SLC9B1: variants seen among roughly 807,000 people sequenced by gnomAD.
SLC9B1 encodes solute carrier family 9 member B1, also known as sodium/hydrogen exchanger 9B1.
A neutral mutation model predicts 51.7 loss-of-function variants in SLC9B1; 32 were observed. The ratio of observed to expected loss-of-function variants is 0.62; its 90% CI spans 0.47 to 0.83. SLC9B1 has a LOEUF of 0.83. Among genes scored for constraint, SLC9B1 ranks in the 40% least tolerant of loss-of-function variants. SLC9B1 has a pLI of 0.00. For synonymous variants in SLC9B1, 145 were observed against 212.7 expected (o/e 0.68, Z 2.77); for missense variants, 406 against 613.2 (o/e 0.66, Z 3.57).
At chr4:102,913,313 C>T (rs1735427726) in intron 7 of SLC9B1, among the ~76,000 whole-genome samples, 1 of 152,166 alleles carries the variant, frequency 6.6e-6, no homozygotes, top group Admixed American at 6.6e-5. Flanking sequence ...CACCAGGGAA[C>T]CTGCAGTGCC....
intron 1 of SLC9B1, among the ~76,000 whole-genome samples, chr4:102,998,952 T>C (rs1165375608): frequency 6.6e-6 from 1 of 152,156 alleles, no homozygotes; most frequent in Non-Finnish European, 1.5e-5. Flanking sequence ...CTTGAACTCC[T>C]GGGCTCAAGG....
chr4:102,931,082 C>T (rs564956065), intron 7 of SLC9B1, among the ~76,000 whole-genome samples: 120 of 151,828 alleles, frequency 7.9e-4, no homozygotes, highest in African/African-American at 2.1e-3. Context: ...AAAAATTAGC[C>T]GGGCGTGGTG....
chr4:102,968,237 AATTCAATAGGAAAAAGATGTTC>A (rs1434450025), intron 3 of SLC9B1, among the ~76,000 whole-genome samples: 1 of 152,218 alleles, frequency 6.6e-6, no homozygotes, highest in Non-Finnish European at 1.5e-5. Context: ...ATGCTAAGAC[AATTCAATAGGAAAAAGATGTTC>A]TTTCAACAAA....
chr4:102,971,552 G>A lies in SLC9B1; in HGVS notation c.211+18248C>T, dbSNP rs190998889. ...GAGAAAACAGGAAAGATCTAAAATCGACACCCTAACATCACAATGAAAAGA... is the reference window on the plus strand; with the variant it reads ...GAGAAAACAGGAAAGATCTAAAATCAACACCCTAACATCACAATGAAAAGA... On this transcript the variant is annotated intron_variant, in intron 3 of 11. Coordinates refer to ENST00000296422, the MANE Select transcript of SLC9B1 (RefSeq NM_139173.4). 3.5e-3 allele frequency among the ~76,000 whole-genome samples: 529 copies of A among 152,070 alleles called. 1 individual carries two copies. The highest frequency in any genetic ancestry group is 6.8e-3 in the Admixed American group (104 of 15,278).
chr4:103,006,018 A>G (rs1473305296), intron 1 of SLC9B1, among the ~76,000 whole-genome samples: 1 of 152,126 alleles, frequency 6.6e-6, no homozygotes, highest in Non-Finnish European at 1.5e-5. Flanking sequence ...TTAACAACCT[A>G]TCCTTACGGC....
chr4:102,991,343 CT>C (rs1739930587), intron 2 of SLC9B1, among the ~76,000 whole-genome samples: 1 of 152,026 alleles, frequency 6.6e-6, no homozygotes, highest in Admixed American at 6.5e-5. Context: ...ATCTTTACCT[CT>C]GTTAGTTTAA....
At chr4:102,923,752 C>T (rs371727325) in intron 7 of SLC9B1, among the ~76,000 whole-genome samples, 5 of 152,080 alleles carry the variant, frequency 3.3e-5, no homozygotes, top group South Asian at 4.1e-4. Flanking sequence ...CACAAGCATT[C>T]TTATACACCA....
At chr4:102,957,036 A>G (rs894863292) in intron 3 of SLC9B1, among the ~76,000 whole-genome samples, 1 of 152,212 alleles carries the variant, frequency 6.6e-6, no homozygotes, top group Non-Finnish European at 1.5e-5. Flanking sequence ...TAAAGTGAAA[A>G]AATCACTAGC....
chr4:102,971,440 C>T (rs186532676), intron 3 of SLC9B1, among the ~76,000 whole-genome samples: 4 of 152,016 alleles, frequency 2.6e-5, no homozygotes, highest in Admixed American at 6.6e-5. Flanking sequence ...TTGAAACCAA[C>T]GAGAACAAAG....
At chr4:102,990,212 T>C (rs1003766244) in intron 2 of SLC9B1, among the ~76,000 whole-genome samples, 5 of 152,144 alleles carry the variant, frequency 3.3e-5, no homozygotes, top group African/African-American at 1.2e-4. Flanking sequence ...GCCTACAGTT[T>C]GGGCACAATA....
chr4:102,886,890 C>G (rs1733952802), intron 11 of SLC9B1, among the ~76,000 whole-genome samples: 1 of 152,216 alleles, frequency 6.6e-6, no homozygotes, highest in Non-Finnish European at 1.5e-5. Flanking sequence ...GTTGGGATTA[C>G]AGGCGTAAAC....
chr4:102,997,079 G>GGCCAA (rs1740266846), intron 1 of SLC9B1, among the ~76,000 whole-genome samples: 2 of 151,996 alleles, frequency 1.3e-5, no homozygotes, highest in African/African-American at 4.8e-5. Flanking sequence ...ATGAGCCATT[G>GGCCAA]TGTCTGGCCA....
At chr4:102,955,978 C>T (rs1027870233) in intron 3 of SLC9B1, among the ~76,000 whole-genome samples, 1 of 152,120 alleles carries the variant, frequency 6.6e-6, no homozygotes, top group South Asian at 2.1e-4. Context: ...GAGTGGCTCA[C>T]GGTGCCTAAA....
intron 6 of SLC9B1, among the ~76,000 whole-genome samples, chr4:102,943,506 TACACACAC>T (rs373442152): frequency 4.8e-5 from 7 of 145,482 alleles, no homozygotes; most frequent in Admixed American, 2.1e-4. Context: ...TGTGTATGTA[TACACACAC>T]ACACACACAC....
downstream of SLC9B1, chr4:102,897,275 CCA>C (rs1235797264): frequency 6.5e-6 from 1 of 154,840 alleles, no homozygotes; most frequent in Admixed American, 6.5e-5. Context: ...AGAACTTTCT[CCA>C]CTTGGTACAA....
chr4:102,967,327 T>A lies in SLC9B1; in HGVS notation c.212-17900A>T, dbSNP rs376337078. Among the ~76,000 whole-genome samples, 11 of 152,352 alleles carry A rather than the reference T, an allele frequency of 7.2e-5. 1 individual carries two copies. The East Asian group carries it at 1.5e-3, about 21-fold the overall frequency. On this transcript the variant is annotated intron_variant, in intron 3 of 11. Coordinates refer to ENST00000296422, the MANE Select transcript of SLC9B1 (RefSeq NM_139173.4). ...ACCCAGTTCCAATGATGCTTCTGCA[T>A]TTTTGAGTATCTAAATAGCAACATC...
intron 11 of SLC9B1, among the ~76,000 whole-genome samples, chr4:102,886,352 G>A (rs192875823): frequency 0.015 from 2,234 of 152,012 alleles, 24 homozygotes; most frequent in South Asian, 0.021. Context: ...TTAGCCAGGC[G>A]TGGTGGCATG....
chr4:102,943,292 A>G (rs1247166911), intron 6 of SLC9B1, among the ~76,000 whole-genome samples: 11 of 152,194 alleles, frequency 7.2e-5, no homozygotes, highest in Non-Finnish European at 1.6e-4. Context: ...AATTAAAAGT[A>G]GATCTACCAT....
intron 1 of SLC9B1, among the ~76,000 whole-genome samples, chr4:103,008,698 G>C (rs972543142): frequency 1.1e-4 from 16 of 151,198 alleles, no homozygotes; most frequent in Admixed American, 6.6e-5. Flanking sequence ...ACATCATATT[G>C]AGTAAATTTC....
Sources: allele counts gnomAD v4.1 joint callset (sites outside exome capture counted in the v4.1 genomes callset), GRCh38; gene constraint gnomAD v4.1.1; transcripts MANE v1.5; gene names NCBI Gene and HGNC (gene_info 2026-07-23, HGNC 2026-07-21).